The following CAMK1D variants were observed in gnomAD, a reference collection of about 807,000 sequenced individuals.
CAMK1D encodes calcium/calmodulin dependent protein kinase ID, also known as calcium/calmodulin-dependent protein kinase type 1D.
Under a neutral mutation model 47.7 loss-of-function variants are expected in CAMK1D, and 9 were observed. The observed-to-expected ratio is 0.19, with a 90% CI of 0.11 to 0.33. CAMK1D has a LOEUF of 0.33. Among genes scored for constraint, CAMK1D ranks in the 10% least tolerant of loss-of-function variants. The pLI is 1.00. For missense variants in CAMK1D, 291 were observed against 488.7 expected (o/e 0.60, Z 3.81); for synonymous variants, 184 against 184.9 (o/e 0.99, Z 0.04).
chr10:12,378,265 G>C (rs1838240002), intron 1 of CAMK1D, among the ~76,000 whole-genome samples: 1 of 152,260 alleles, frequency 6.6e-6, no homozygotes, highest in East Asian at 1.9e-4. Flanking sequence ...ATATTTTTTA[G>C]ATACAGCGTC....
At chr10:12,398,462 C>A (rs1839048154) in intron 1 of CAMK1D, among the ~76,000 whole-genome samples, 1 of 152,148 alleles carries the variant, frequency 6.6e-6, no homozygotes, top group Admixed American at 6.6e-5. Flanking sequence ...GATTCTCCTG[C>A]CTCAGACTCC....
At chr10:12,407,412 C>T (rs1479863777) in intron 1 of CAMK1D, among the ~76,000 whole-genome samples, 1 of 152,252 alleles carries the variant, frequency 6.6e-6, no homozygotes, top group Non-Finnish European at 1.5e-5. Context: ...TAGAAGTTTC[C>T]TTCTCACTGA....
intron 1 of CAMK1D, among the ~76,000 whole-genome samples, chr10:12,399,181 G>A (rs1839081481): frequency 6.6e-6 from 1 of 152,146 alleles, no homozygotes; most frequent in Admixed American, 6.6e-5. Flanking sequence ...GAGGGAGTGG[G>A]AGGTAGTCCC....
chr10:12,812,092 C>T (rs766698123), intron 6 of CAMK1D, among the ~76,000 whole-genome samples: 11 of 152,372 alleles, frequency 7.2e-5, no homozygotes, highest in East Asian at 1.9e-4. Context: ...CCCTGCGCAG[C>T]GATGGCTGGC....
intron 3 of CAMK1D, among the ~76,000 whole-genome samples, chr10:12,718,363 A>G (rs1487082696): frequency 6.6e-6 from 1 of 152,178 alleles, no homozygotes; most frequent in Non-Finnish European, 1.5e-5. Context: ...TCTAAATTGC[A>G]ATATTTGATT....
chr10:12,461,192 C>T (rs1310517762), intron 1 of CAMK1D, among the ~76,000 whole-genome samples: 1 of 152,166 alleles, frequency 6.6e-6, no homozygotes, highest in Non-Finnish European at 1.5e-5. Context: ...TTTCCATAAG[C>T]AGCTGTACTC....
At chr10:12,568,814 T>C (rs147159276) in intron 2 of CAMK1D, among the ~76,000 whole-genome samples, 2 of 152,266 alleles carry the variant, frequency 1.3e-5, no homozygotes, top group East Asian at 3.9e-4. Context: ...AGTGATACAG[T>C]GTTTCCTTAT....
intron 4 of CAMK1D, among the ~76,000 whole-genome samples, chr10:12,766,463 A>C (rs1836771075): frequency 6.8e-6 from 1 of 146,700 alleles, no homozygotes; most frequent in African/African-American, 2.5e-5. Flanking sequence ...TGGAGCCTCC[A>C]TATTGGACAT....
chr10:12,411,779 T>A (rs1461494698), intron 1 of CAMK1D, among the ~76,000 whole-genome samples: 1 of 149,530 alleles, frequency 6.7e-6, no homozygotes, highest in Non-Finnish European at 1.5e-5. Flanking sequence ...TTTGTATTTT[T>A]AGTAGAGACA....
At chr10:12,692,956 G>T (rs944395267) in intron 3 of CAMK1D, among the ~76,000 whole-genome samples, 34 of 152,132 alleles carry the variant, frequency 2.2e-4, no homozygotes, top group Admixed American at 1.8e-3. Flanking sequence ...CCGCTTGTTG[G>T]GTCAAACACT....
intron 3 of CAMK1D, among the ~76,000 whole-genome samples, chr10:12,685,044 T>C (rs1361875782): frequency 6.7e-6 from 1 of 150,086 alleles, no homozygotes; most frequent in East Asian, 1.9e-4. Flanking sequence ...GCGCGGTGGC[T>C]CACGCCAACA....
intron 2 of CAMK1D, among the ~76,000 whole-genome samples, chr10:12,567,175 A>C (rs901366700): frequency 6.6e-5 from 10 of 152,202 alleles, no homozygotes; most frequent in African/African-American, 2.4e-4. Context: ...TGATCTAGAA[A>C]ATACGGCAAA....
chr10:12,510,581 A>C (rs1249522926), intron 1 of CAMK1D, among the ~76,000 whole-genome samples: 2 of 152,260 alleles, frequency 1.3e-5, no homozygotes, highest in African/African-American at 4.8e-5. Flanking sequence ...GGCTGCAAGC[A>C]AGTCAGGCAG....
chr10:12,684,466 G>A lies in CAMK1D; in HGVS notation c.299+17656G>A, dbSNP rs116945485. Among the ~76,000 whole-genome samples the A allele has an allele frequency of 1.9e-3, 292 of 152,120 alleles. 9 individuals are homozygous for A. The East Asian group carries it at 0.053, about 28-fold the overall frequency. On this transcript the variant is annotated intron_variant, in intron 3 of 10. Coordinates refer to ENST00000619168, the MANE Select transcript of CAMK1D (RefSeq NM_153498.4). ...AGGTATTTTAGGTTATAAGCCCTTG[G>A]TTAGGCTCCTCAAAGAAGATAACTA...
intron 3 of CAMK1D, among the ~76,000 whole-genome samples, chr10:12,703,458 A>G (rs1006754148): frequency 1.7e-4 from 26 of 152,228 alleles, no homozygotes; most frequent in Non-Finnish European, 2.8e-4. Context: ...AACTAGGTCA[A>G]CTGCTAATAC....
chr10:12,667,451 GA>G (rs1840469714), intron 3 of CAMK1D, among the ~76,000 whole-genome samples: 2 of 152,160 alleles, frequency 1.3e-5, no homozygotes, highest in African/African-American at 4.8e-5. Flanking sequence ...GACTTTACTT[GA>G]AAATGCATTT....
chr10:12,408,794 G>A (rs377047127), intron 1 of CAMK1D, among the ~76,000 whole-genome samples: 73 of 151,550 alleles, frequency 4.8e-4, no homozygotes, highest in African/African-American at 1.7e-3. Context: ...CTTGTCAGGT[G>A]ATATAGGCGT....
chr10:12,725,825 C>T (rs557225813), intron 3 of CAMK1D, among the ~76,000 whole-genome samples: 22 of 152,148 alleles, frequency 1.4e-4, no homozygotes, highest in African/African-American at 5.1e-4. Context: ...GGCATGATCT[C>T]GGCTCACAGC....
intron 2 of CAMK1D, among the ~76,000 whole-genome samples, chr10:12,619,979 A>C (rs769614809): frequency 2.0e-5 from 3 of 152,120 alleles, no homozygotes; most frequent in African/African-American, 7.2e-5. Flanking sequence ...TTTTCACTCA[A>C]CTTTCACTGG....
Sources: gnomAD v4.1 joint callset for allele counts (sites outside exome capture counted in the v4.1 genomes callset) on GRCh38, gnomAD v4.1.1 for gene constraint, MANE v1.5 for transcripts, NCBI Gene and HGNC (gene_info 2026-07-23, HGNC 2026-07-21) for gene names.